The following AP1S2 variants were observed in gnomAD, a reference collection of about 807,000 sequenced individuals.
AP1S2 encodes adaptor related protein complex 1 subunit sigma 2.
A neutral mutation model predicts 14.3 loss-of-function variants in AP1S2; 1 was observed. The observed-to-expected ratio is 0.07, with a 90% confidence interval of 0.02 to 0.33. The LOEUF is 0.33. AP1S2 is among the 10% of genes least tolerant of loss of function. The probability of loss-of-function intolerance (pLI) is 0.99; values close to 1 mark genes in which losing one functional copy is unlikely to be tolerated. For missense variants in AP1S2, 30 were observed against 117.7 expected (o/e 0.25, Z 3.45); for synonymous variants, 30 against 40.5 (o/e 0.74, Z 0.99).
intron 4 of AP1S2, among the ~76,000 whole-genome samples, chrX:15,829,183 T>C (rs955865171): frequency 1.8e-5 from 2 of 111,572 alleles, no homozygotes; most frequent in Non-Finnish European, 3.8e-5. Context: ...GAAGTTTTCA[T>C]GATAAAGTTT....
chrX:15,839,535 T>C (rs979209123), intron 4 of AP1S2, among the ~76,000 whole-genome samples: 1 of 106,285 alleles, frequency 9.4e-6, no homozygotes, highest in Non-Finnish European at 1.9e-5. Flanking sequence ...GGCTGGTATA[T>C]AGTAGCATGA....
At chrX:15,838,936 TG>T (rs1485234713) in intron 4 of AP1S2, among the ~76,000 whole-genome samples, 1 of 110,729 alleles carries the variant, frequency 9.0e-6, no homozygotes, top group Non-Finnish European at 1.9e-5. Context: ...TTTGTAGAGA[TG>T]GGGTTTTACC....
chrX:15,851,995 C>T (rs1934194518), intron 2 of AP1S2, among the ~76,000 whole-genome samples: 1 of 112,018 alleles, frequency 8.9e-6, no homozygotes, highest in Non-Finnish European at 1.9e-5. Flanking sequence ...TCTATCTGTA[C>T]TTGTCTCAAT....
rs201939651 is a variant in AP1S2 at position 15,826,775 on chromosome X, TAAA to T, written c.*547_*549del. On this transcript the variant is annotated 3_prime_UTR_variant, in exon 6 of 6. Transcript: ENST00000672987. ...TCATTAAAAATAATCTGTAGTCCTT[TAAA>T]AAAAAAAAAAAAAGGTATGTAATTT... 5 of 93,422 alleles carry T rather than the reference TAAA, an allele frequency of 5.4e-5. No individual in the cohort carries two copies. The highest frequency in any genetic ancestry group is 1.6e-4 in the African/African-American group (4 of 25,629). 7.7% of individuals were successfully genotyped at this position (93,422 alleles called of 1,213,427 possible).
chrX:15,842,766 C>T (rs1022862040), intron 4 of AP1S2, among the ~76,000 whole-genome samples: 10 of 112,298 alleles, frequency 8.9e-5, no homozygotes, highest in Admixed American at 4.7e-4. Flanking sequence ...CGGTGGCTTA[C>T]GCCTGTAATC....
At chrX:15,852,589 G>A in intron 1 of AP1S2, 65 bp from the exon 2 acceptor site, 1 of 1,041,907 alleles carries the variant, frequency 9.6e-7, no homozygotes, top group Non-Finnish European at 1.3e-6. Flanking sequence ...AAGATTATGT[G>A]TTTCACAGAG....
chrX:15,854,035 T>G (rs933975213), intron 1 of AP1S2, among the ~76,000 whole-genome samples: 2 of 111,835 alleles, frequency 1.8e-5, no homozygotes, highest in Admixed American at 9.4e-5. Context: ...GCCCTACCAC[T>G]TTGCAGGACG....
intron 4 of AP1S2, among the ~76,000 whole-genome samples, chrX:15,837,605 C>CTTT (rs35560738): frequency 1.5e-4 from 12 of 82,608 alleles, no homozygotes; most frequent in East Asian, 3.9e-4. Flanking sequence ...ATAGAGATGA[C>CTTT]TTTTTTTTTT....
Position 15,834,052 on chromosome X carries a change from T to C in AP1S2, c.427-5852A>G, listed in dbSNP as rs138327293. ...AGTTGTATTGTACAACTATAAACCA[T>C]GTATTGTCCTTAGTACAGGTTCTCT... On this transcript the variant is annotated intron_variant, in intron 4 of 5. Coordinates refer to ENST00000672987, the MANE Select transcript of AP1S2 (RefSeq NM_001272071.2). Among the ~76,000 whole-genome samples the C allele has an allele frequency of 2.2e-4, 24 of 111,066 alleles. No individual in the cohort carries two copies. The East Asian group carries it at 6.2e-3, about 29-fold the overall frequency.
intron 4 of AP1S2, chrX:15,832,085 G>T (rs936743162): frequency 1.3e-5 from 10 of 748,375 alleles, no homozygotes; most frequent in Non-Finnish European, 1.6e-5. Context: ...AAAATCCAAA[G>T]AATTTGACTG....
chrX:15,830,299 A>G (rs774831482), intron 4 of AP1S2: 237 of 748,713 alleles, frequency 3.2e-4, no homozygotes, highest in Non-Finnish European at 3.5e-4. Flanking sequence ...TGAAAGACCA[A>G]TGTTTCTCAA....
chrX:15,830,243 A>G, intron 4 of AP1S2: 2 of 751,756 alleles, frequency 2.7e-6, no homozygotes, highest in Non-Finnish European at 3.1e-6. Flanking sequence ...GATGAATAAT[A>G]TATTGTGGGG....
At chrX:15,835,131 G>A (rs1376770454) in intron 4 of AP1S2, among the ~76,000 whole-genome samples, 1 of 112,235 alleles carries the variant, frequency 8.9e-6, no homozygotes, top group Non-Finnish European at 1.9e-5. Context: ...CAATGGTATC[G>A]AATATCTATG....
Position 15,830,579 on chromosome X carries a change from A to G in AP1S2, c.427-2379T>C, listed in dbSNP as rs184356369. 2,691 of 652,945 alleles carry G rather than the reference A, an allele frequency of 4.1e-3. 7 individuals carry two copies. The highest frequency in any genetic ancestry group is 7.2e-3 in the South Asian group (91 of 12,682). The allele number at this position is 652,945 out of a possible 1,213,427, so 53.8% of individuals were successfully genotyped here. The stretch of plus-strand genomic sequence containing the variant: ...AATGAATTCTTTTCCTTTTATAAAA[A>G]AATATGCTGCATGTTTTATTAAAAG... On this transcript the variant is annotated intron_variant, in intron 4 of 5. Transcript: ENST00000672987.
intron 4 of AP1S2, chrX:15,833,508 CAAGA>C (rs1211269372): frequency 1.2e-6 from 1 of 863,515 alleles, no homozygotes; most frequent in South Asian, 3.0e-5. Flanking sequence ...AAACATCCTT[CAAGA>C]AGAAAAGAAA....
Position 15,852,327 on chromosome X carries a change from T to G in AP1S2, c.179+19A>C. 1 of 1,204,000 alleles carries G rather than the reference T, an allele frequency of 8.3e-7. No individual in the cohort carries two copies. Among genetic ancestry groups the G allele is most frequent in the Non-Finnish European group, 1.1e-6 (1 of 889,809 alleles). ...AACATTTGATTCTATTTCACCTTTCTGACAAACAAAAATTATACCTTTTGT... is the reference window on the plus strand; with the variant it reads ...AACATTTGATTCTATTTCACCTTTCGGACAAACAAAAATTATACCTTTTGT... On this transcript the variant is annotated intron_variant, in intron 2 of 5. Transcript: ENST00000672987.
chrX:15,854,044 C>A (rs1934254433), intron 1 of AP1S2, among the ~76,000 whole-genome samples: 1 of 111,459 alleles, frequency 9.0e-6, no homozygotes, highest in Non-Finnish European at 1.9e-5. Context: ...CTTTGCAGGA[C>A]GAAAAAACAA....
intron 2 of AP1S2, among the ~76,000 whole-genome samples, chrX:15,849,475 G>T (rs1326206744): frequency 1.8e-5 from 2 of 112,667 alleles, no homozygotes; most frequent in African/African-American, 6.4e-5. Context: ...GTATGAAATG[G>T]AAGGGGGAAC....
intron 4 of AP1S2, chrX:15,830,660 A>AGTTT (rs1933407190): frequency 1.6e-6 from 1 of 625,990 alleles, no homozygotes; most frequent in Non-Finnish European, 1.9e-6. Context: ...ATAATGCCAC[A>AGTTT]GTTAACAAAG....
Sources: allele counts gnomAD v4.1 joint callset (sites outside exome capture counted in the v4.1 genomes callset), GRCh38; gene constraint gnomAD v4.1.1; transcripts MANE v1.5; gene names NCBI Gene and HGNC (gene_info 2026-07-23, HGNC 2026-07-21).